The following THSD7B variants were observed in gnomAD, a reference collection of about 807,000 sequenced individuals.
THSD7B encodes thrombospondin type-1 domain-containing protein 7B.
In THSD7B, 138 loss-of-function variants were observed where a neutral mutation model predicts 213.6. The ratio of observed to expected loss-of-function variants is 0.65; its 90% CI spans 0.56 to 0.74. The LOEUF (loss-of-function observed/expected upper bound fraction) is 0.74, where lower values mean the gene tolerates loss of function less well. Ranked by LOEUF, THSD7B falls within the 30% of genes least tolerant of loss-of-function variation. The pLI, the probability that THSD7B is intolerant of heterozygous loss-of-function variation, is 0.00. For synonymous variants in THSD7B, 742 were observed against 687.0 expected (o/e 1.08, Z -1.25); for missense variants, 1,931 against 1,991.5 (o/e 0.97, Z 0.58).
chr2:136,955,904 G>A (rs900355476), intron 2 of THSD7B, among the ~76,000 whole-genome samples: 5 of 151,780 alleles, frequency 3.3e-5, no homozygotes, highest in Admixed American at 2.0e-4. Flanking sequence ...CACCCACCTC[G>A]GCCTCCCAAA....
At chr2:136,878,141 A>G (rs910015964) in intron 1 of THSD7B, among the ~76,000 whole-genome samples, 2 of 152,226 alleles carry the variant, frequency 1.3e-5, no homozygotes, top group Admixed American at 6.5e-5. Flanking sequence ...TCATTGTTCA[A>G]TTCCCACCTA....
chr2:137,063,745 C>A (rs4340584), intron 3 of THSD7B, among the ~76,000 whole-genome samples: 39,879 of 151,820 alleles, frequency 0.26, 6,926 homozygotes, highest in African/African-American at 0.49. Context: ...TTTAATTTTT[C>A]GTTGTCACAG....
intron 12 of THSD7B, among the ~76,000 whole-genome samples, chr2:137,397,327 G>A (rs941264681): frequency 2.6e-5 from 4 of 151,954 alleles, no homozygotes; most frequent in Admixed American, 1.3e-4. Context: ...CATGTTTAGC[G>A]CTTCCTTCAG....
At chr2:137,194,505 G>A (rs1374252541) in intron 7 of THSD7B, among the ~76,000 whole-genome samples, 1 of 152,184 alleles carries the variant, frequency 6.6e-6, no homozygotes, top group Non-Finnish European at 1.5e-5. Context: ...AATTGAATTA[G>A]TTTGTAAATG....
At chr2:137,527,491 T>A (rs1680300712) in intron 15 of THSD7B, among the ~76,000 whole-genome samples, 1 of 152,136 alleles carries the variant, frequency 6.6e-6, no homozygotes, top group African/African-American at 2.4e-5. Context: ...CTTGCTCCAT[T>A]TTTTTAGCTG....
chr2:137,122,736 A>G (rs1347029), intron 5 of THSD7B, among the ~76,000 whole-genome samples: 105,922 of 151,916 alleles, frequency 0.7, 38,168 homozygotes, highest in Non-Finnish European at 0.78. Context: ...GCTCATCTCT[A>G]CCTGCCTGCT....
chr2:137,156,673 C>G (rs1034015156), intron 5 of THSD7B, among the ~76,000 whole-genome samples: 3 of 152,128 alleles, frequency 2.0e-5, no homozygotes, highest in African/African-American at 7.2e-5. Context: ...TCTGTGGAGA[C>G]ACAGTGTCCT....
At chr2:136,923,910 T>TCA (rs1558853920) in intron 2 of THSD7B, among the ~76,000 whole-genome samples, 1 of 152,218 alleles carries the variant, frequency 6.6e-6, no homozygotes, top group African/African-American at 2.4e-5. Flanking sequence ...GGTAACTTTT[T>TCA]CACTCTGTTG....
intron 1 of THSD7B, among the ~76,000 whole-genome samples, chr2:136,815,122 C>G (rs1435631905): frequency 6.6e-6 from 1 of 152,166 alleles, no homozygotes; most frequent in African/African-American, 2.4e-5. Flanking sequence ...TACTATCTGG[C>G]TGTTTACAAT....
chr2:137,611,039 T>C (rs1186734742), intron 17 of THSD7B, among the ~76,000 whole-genome samples: 1 of 149,372 alleles, frequency 6.7e-6, no homozygotes, highest in Non-Finnish European at 1.5e-5. Flanking sequence ...AAAAAAGTTA[T>C]AGCTTATAGC....
chr2:137,032,231 T>C (rs998899867), intron 2 of THSD7B, among the ~76,000 whole-genome samples: 1 of 151,964 alleles, frequency 6.6e-6, no homozygotes, highest in African/African-American at 2.4e-5. Flanking sequence ...AGTTGGGACA[T>C]GAAGTTAAAA....
intron 7 of THSD7B, among the ~76,000 whole-genome samples, chr2:137,192,390 G>A (rs1680675075): frequency 6.6e-6 from 1 of 152,132 alleles, no homozygotes. Flanking sequence ...TGATATTCAT[G>A]ATCAATCATG....
chr2:136,774,079 G>A (rs61259910), intron 1 of THSD7B, among the ~76,000 whole-genome samples: 2,991 of 152,080 alleles, frequency 0.02, 99 homozygotes, highest in African/African-American at 0.067. Context: ...TACATAGTAT[G>A]AAATCACCTC....
intron 5 of THSD7B, among the ~76,000 whole-genome samples, chr2:137,133,082 G>T (rs567202468): frequency 6.6e-6 from 1 of 152,040 alleles, no homozygotes; most frequent in Admixed American, 6.6e-5. Flanking sequence ...TTTCTGTGTG[G>T]TTACTGTCTA....
chr2:136,868,122 A>G (rs62172271), intron 1 of THSD7B, among the ~76,000 whole-genome samples: 10,989 of 136,834 alleles, frequency 0.08, 410 homozygotes, highest in East Asian at 0.15. Context: ...ACGCGCGCGC[A>G]CACACACACA....
chr2:136,955,118 C>T (rs894531238), intron 2 of THSD7B, among the ~76,000 whole-genome samples: 4 of 152,162 alleles, frequency 2.6e-5, no homozygotes, highest in South Asian at 2.1e-4. Flanking sequence ...AATGCAGAAA[C>T]GAGCATCATG....
At chr2:137,002,608 T>C (rs1233640881) in intron 2 of THSD7B, among the ~76,000 whole-genome samples, 1 of 152,172 alleles carries the variant, frequency 6.6e-6, no homozygotes, top group African/African-American at 2.4e-5. Flanking sequence ...CTGTTCTCTA[T>C]CATCCTCCAT....
intron 2 of THSD7B, among the ~76,000 whole-genome samples, chr2:137,019,167 C>T (rs1161775478): frequency 1.3e-5 from 2 of 152,186 alleles, no homozygotes; most frequent in Non-Finnish European, 2.9e-5. Flanking sequence ...CCACGAGGGA[C>T]ACCCCACTCG....
chr2:136,860,016 A>T (rs375147811), intron 1 of THSD7B, among the ~76,000 whole-genome samples: 8 of 120,466 alleles, frequency 6.6e-5, no homozygotes, highest in Admixed American at 9.5e-5. Context: ...ACAATTCATG[A>T]TTTTTTTTTT....
Sources: gnomAD v4.1 joint callset for allele counts (sites outside exome capture counted in the v4.1 genomes callset) on GRCh38, gnomAD v4.1.1 for gene constraint, MANE v1.5 for transcripts, NCBI Gene and HGNC (gene_info 2026-07-23, HGNC 2026-07-21) for gene names.